PRKG1: variants seen among roughly 807,000 people sequenced by gnomAD.
The protein encoded by PRKG1 is cGMP-dependent protein kinase 1.
PRKG1 carries 35 observed loss-of-function variants against 88.1 expected under a neutral mutation model. The observed-to-expected ratio is 0.40, with a 90% CI of 0.30 to 0.53. The LOEUF (loss-of-function observed/expected upper bound fraction) is 0.53, where lower values mean the gene tolerates loss of function less well. PRKG1 is among the 20% of genes least tolerant of loss of function. PRKG1 has a pLI of 0.59. For synonymous variants in PRKG1, 303 were observed against 292.5 expected, an observed-to-expected ratio of 1.04 and a Z score of -0.37; for missense variants, 540 against 839.8, an observed-to-expected ratio of 0.64 and a Z score of 4.41.
intron 17 of PRKG1, among the ~76,000 whole-genome samples, chr10:52,292,850 C>T (rs1384291594): frequency 1.3e-5 from 2 of 151,814 alleles, no homozygotes; most frequent in African/African-American, 2.4e-5. Context: ...AAAACTGGCA[C>T]AAGACAGGGA....
At position 51,608,360 on chromosome 10, in the gene PRKG1, G is replaced by A. The variant is rs1458003649; in HGVS notation, c.592+140524G>A. 3.9e-5 allele frequency among the ~76,000 whole-genome samples: 6 copies of A among 152,284 alleles called. 1 individual carries two copies. Among genetic ancestry groups the A allele is most frequent in the Admixed American group, 3.9e-4 (6 of 15,292 alleles). On this transcript the variant is annotated intron_variant, in intron 3 of 17. Coordinates refer to ENST00000373980, the MANE Select transcript of PRKG1 (RefSeq NM_006258.4). ...AGAGTTTTTATGGGTTTTGGAGTGGGCCAGAGTGTAGAGATTATTGATTGT... is the reference window on the plus strand; with the variant it reads ...AGAGTTTTTATGGGTTTTGGAGTGGACCAGAGTGTAGAGATTATTGATTGT...
At chr10:51,335,061 G>T (rs1365001346) in intron 2 of PRKG1, among the ~76,000 whole-genome samples, 1 of 136,374 alleles carries the variant, frequency 7.3e-6, no homozygotes, top group Admixed American at 7.7e-5. Flanking sequence ...GCTGGAGTTG[G>T]AGTGCAGTGG....
intron 3 of PRKG1, among the ~76,000 whole-genome samples, chr10:51,659,750 C>A (rs2132328228): frequency 6.6e-6 from 1 of 152,136 alleles, no homozygotes; most frequent in Admixed American, 6.6e-5. Context: ...TGCAAACTTG[C>A]TAGAGCTCAT....
chr10:51,115,376 T>TATATATATATATAC lies in PRKG1; in HGVS notation c.312-37779_312-37778insTATACATATATATA, dbSNP rs1187879288. 4.7e-4 allele frequency among the ~76,000 whole-genome samples: 38 copies of TATATATATATATAC among 80,734 alleles called. 2 individuals are homozygous for TATATATATATATAC. The highest frequency in any genetic ancestry group is 1.3e-3 in the African/African-American group (36 of 28,090). The allele number at this position is 80,734 out of a possible 152,430, so 53.0% of individuals were successfully genotyped here. A position where few individuals can be genotyped will look rare whatever the true frequency, so the allele number is the denominator to read the frequency against. On this transcript the variant is annotated intron_variant, in intron 1 of 17. Transcript: ENST00000373980. Reference sequence around the variant, plus strand: ...TTACAATAATGTTCCTTTAAACATATATATATATAAAACAAATGTGAAAGG... The same window carrying TATATATATATATAC: ...TTACAATAATGTTCCTTTAAACATATATATATATATATACATATATATAAAACAAATGTGAAAGG...
At chr10:51,418,113 T>C (rs536035330) in intron 2 of PRKG1, among the ~76,000 whole-genome samples, 1 of 152,214 alleles carries the variant, frequency 6.6e-6, no homozygotes, top group Non-Finnish European at 1.5e-5. Flanking sequence ...GTGAGTGAGA[T>C]AAAAGAACAG....
chr10:51,492,392 G>T (rs1840728062), intron 3 of PRKG1, among the ~76,000 whole-genome samples: 1 of 152,038 alleles, frequency 6.6e-6, no homozygotes, highest in Non-Finnish European at 1.5e-5. Flanking sequence ...AAGGCTATTT[G>T]CATTAGGTGT....
At chr10:51,023,324 G>T (rs985670460) in intron 1 of PRKG1, among the ~76,000 whole-genome samples, 1 of 152,176 alleles carries the variant, frequency 6.6e-6, no homozygotes, top group African/African-American at 2.4e-5. Flanking sequence ...GTCCAAATTT[G>T]CTGTGTGAAA....
intron 3 of PRKG1, among the ~76,000 whole-genome samples, chr10:51,572,813 T>C (rs10998248): frequency 0.074 from 11,180 of 151,840 alleles, 1,377 homozygotes; most frequent in African/African-American, 0.25. Context: ...CCCCAATATT[T>C]TACGCATTGT....
chr10:51,076,725 T>C (rs949679447), intron 1 of PRKG1, among the ~76,000 whole-genome samples: 3 of 152,188 alleles, frequency 2.0e-5, no homozygotes, highest in African/African-American at 7.2e-5. Flanking sequence ...TTGTAGAATA[T>C]CTAGATTGAA....
chr10:51,087,483 T>C (rs192740443), intron 1 of PRKG1, among the ~76,000 whole-genome samples: 84 of 152,308 alleles, frequency 5.5e-4, no homozygotes, highest in African/African-American at 1.9e-3. Context: ...AACAAAACAA[T>C]GGCCTGAAGT....
At chr10:51,775,282 C>T (rs1181869891) in intron 3 of PRKG1, among the ~76,000 whole-genome samples, 2 of 151,984 alleles carry the variant, frequency 1.3e-5, no homozygotes, top group Admixed American at 6.6e-5. Flanking sequence ...AATACTATAG[C>T]GGTCTAAAGT....
At chr10:51,690,125 G>A (rs529420791) in intron 3 of PRKG1, among the ~76,000 whole-genome samples, 1 of 152,174 alleles carries the variant, frequency 6.6e-6, no homozygotes, top group African/African-American at 2.4e-5. Flanking sequence ...CAGAGCAGGA[G>A]CAAGAGAGCA....
At chr10:51,966,247 C>G (rs940219749) in intron 5 of PRKG1, among the ~76,000 whole-genome samples, 1 of 152,060 alleles carries the variant, frequency 6.6e-6, no homozygotes, top group Non-Finnish European at 1.5e-5. Context: ...CAACCCTTTC[C>G]ATCTGCAAAC....
At chr10:52,068,071 C>T (rs1362424583) in intron 7 of PRKG1, among the ~76,000 whole-genome samples, 8 of 139,104 alleles carry the variant, frequency 5.8e-5, no homozygotes, top group Non-Finnish European at 1.1e-4. Flanking sequence ...GGCATGGTGG[C>T]GCGTGCCTGT....
intron 2 of PRKG1, among the ~76,000 whole-genome samples, chr10:51,401,700 C>G (rs1837743776): frequency 6.6e-6 from 1 of 152,128 alleles, no homozygotes; most frequent in African/African-American, 2.4e-5. Flanking sequence ...CCCTCAGAAT[C>G]AATCCCACAC....
chr10:51,701,098 A>G (rs935252825), intron 3 of PRKG1, among the ~76,000 whole-genome samples: 1 of 152,178 alleles, frequency 6.6e-6, no homozygotes, highest in Non-Finnish European at 1.5e-5. Flanking sequence ...ATTTGAGTAA[A>G]AAATTATTTT....
intron 2 of PRKG1, among the ~76,000 whole-genome samples, chr10:51,175,518 AAT>A (rs1837167988): frequency 6.6e-6 from 1 of 152,084 alleles, no homozygotes; most frequent in African/African-American, 2.4e-5. Context: ...AATTGATTCC[AAT>A]ATGATTATTT....
chr10:51,221,929 C>T (rs1185590412), intron 2 of PRKG1, among the ~76,000 whole-genome samples: 37 of 139,258 alleles, frequency 2.7e-4, no homozygotes. Flanking sequence ...GGCTGGAGTA[C>T]AATGGCACCA....
At chr10:50,993,994 T>A (rs1266680305) in intron 1 of PRKG1, among the ~76,000 whole-genome samples, 1 of 152,212 alleles carries the variant, frequency 6.6e-6, no homozygotes, top group Non-Finnish European at 1.5e-5. Context: ...CAGTGCATAT[T>A]TGTGTCTATA....
Sources: gnomAD v4.1 joint callset for allele counts (sites outside exome capture counted in the v4.1 genomes callset) on GRCh38, gnomAD v4.1.1 for gene constraint, MANE v1.5 for transcripts, NCBI Gene and HGNC (gene_info 2026-07-23, HGNC 2026-07-21) for gene names.